PRKAG2: variants seen among roughly 807,000 people sequenced by gnomAD.
PRKAG2 encodes the protein protein kinase AMP-activated non-catalytic subunit gamma 2, also known as 5'-AMP-activated protein kinase subunit gamma-2.
In PRKAG2, 26 loss-of-function variants were observed where a neutral mutation model predicts 69.6. The ratio of observed to expected loss-of-function variants is 0.37; its 90% CI spans 0.27 to 0.52. The LOEUF is 0.52. PRKAG2 is among the 20% of genes least tolerant of loss of function. The pLI is 0.90. For synonymous variants in PRKAG2, 293 were observed against 285.0 expected (o/e 1.03, Z -0.28); for missense variants, 557 against 740.0 (o/e 0.75, Z 2.87).
At chr7:151,767,534 GC>G (rs970505560) in intron 3 of PRKAG2, among the ~76,000 whole-genome samples, 6 of 152,212 alleles carry the variant, frequency 3.9e-5, no homozygotes, top group Non-Finnish European at 7.3e-5. Flanking sequence ...CAAGTGATTG[GC>G]CCGACTTGGC....
At chr7:151,818,882 C>A (rs2078706941) in intron 1 of PRKAG2, among the ~76,000 whole-genome samples, 1 of 152,254 alleles carries the variant, frequency 6.6e-6, no homozygotes, top group Admixed American at 6.5e-5. Context: ...CCTATGACAG[C>A]TTGAGGCCAG....
At chr7:151,779,746 C>T (rs1451969687) in intron 3 of PRKAG2, among the ~76,000 whole-genome samples, 3 of 152,194 alleles carry the variant, frequency 2.0e-5, no homozygotes, top group Non-Finnish European at 2.9e-5. Context: ...TACACAACAT[C>T]GCAAGTTCCC....
At chr7:151,618,274 G>A (rs542163170) in intron 5 of PRKAG2, among the ~76,000 whole-genome samples, 8 of 152,072 alleles carry the variant, frequency 5.3e-5, no homozygotes, top group South Asian at 2.1e-4. Flanking sequence ...CCAACATGGC[G>A]AAACCCCATC....
chr7:151,792,569 T>C (rs2077313974), intron 1 of PRKAG2, among the ~76,000 whole-genome samples: 1 of 152,232 alleles, frequency 6.6e-6, no homozygotes, highest in South Asian at 2.1e-4. Context: ...CCAGCGTTTC[T>C]GATGTTTTGT....
rs567721327 is a variant in PRKAG2, at chr7:151,866,226, C to T, written c.114+10281G>A. Among the ~76,000 whole-genome samples the T allele has an allele frequency of 2.7e-4, 41 of 152,254 alleles. 1 individual carries two copies. Among genetic ancestry groups the T allele is most frequent in the East Asian group, 9.7e-4 (5 of 5,180 alleles). On this transcript the variant is annotated intron_variant, in intron 1 of 15. Coordinates refer to ENST00000287878, the MANE Select transcript of PRKAG2 (RefSeq NM_016203.4). ...GCCCACCGTCCAGCCTCAGCCTGAC[C>T]GTCCAGCCTCATCCCCTACCCCAGG...
intron 3 of PRKAG2, among the ~76,000 whole-genome samples, chr7:151,716,429 G>T (rs1796200062): frequency 6.6e-6 from 1 of 152,126 alleles, no homozygotes; most frequent in Non-Finnish European, 1.5e-5. Flanking sequence ...TCCGTATGTG[G>T]ACTCCCAACA....
intron 5 of PRKAG2, among the ~76,000 whole-genome samples, chr7:151,627,069 C>T (rs870441): frequency 0.13 from 19,017 of 151,902 alleles, 1,379 homozygotes; most frequent in African/African-American, 0.17. Context: ...GATTTTTAAG[C>T]GAGAGAGAAA....
intron 3 of PRKAG2, among the ~76,000 whole-genome samples, 191 bp from the exon 4 acceptor site, chr7:151,675,828 A>G (rs1307952329): frequency 6.8e-6 from 1 of 148,020 alleles, no homozygotes; most frequent in East Asian, 1.9e-4. Flanking sequence ...AGGTCCCGCC[A>G]TGGCAGAGGG....
intron 1 of PRKAG2, among the ~76,000 whole-genome samples, chr7:151,793,980 C>A (rs1039919058): frequency 6.6e-6 from 1 of 152,214 alleles, no homozygotes; most frequent in Non-Finnish European, 1.5e-5. Flanking sequence ...CAGAGGACAC[C>A]GTAGTTTCTC....
rs1179429765 is a variant in PRKAG2, at chr7:151,814,241, A to G, written c.115-27700T>C. Among the ~76,000 whole-genome samples the G allele has an allele frequency of 4.6e-5, 7 of 152,176 alleles. No homozygotes were observed. Among genetic ancestry groups the G allele is most frequent in the Non-Finnish European group, 8.8e-5 (6 of 68,038 alleles). On this transcript the variant is annotated intron_variant, in intron 1 of 15. Transcript: ENST00000287878. The surrounding 1 kb of genome is among the most constrained non-coding windows in gnomAD (Gnocchi z 4.8). The stretch of plus-strand genomic sequence containing the variant: ...TACAGCTTCCGTGGAGAGAAGGAAC[A>G]TTTTGCTCAGCCTTGGGGTATCTGA...
chr7:151,742,625 CAAAA>C (rs562390958), intron 3 of PRKAG2, among the ~76,000 whole-genome samples: 1 of 135,588 alleles, frequency 7.4e-6, no homozygotes. Flanking sequence ...TTACATCTCA[CAAAA>C]AAAAAAAAAA....
chr7:151,874,228 G>C, intron 1 of PRKAG2, among the ~76,000 whole-genome samples: 1 of 122,788 alleles, frequency 8.1e-6, no homozygotes, highest in South Asian at 2.4e-4. Flanking sequence ...TGATGTATAT[G>C]TATATGATGT....
At chr7:151,735,817 T>G in intron 3 of PRKAG2, 1 of 1,492,122 alleles carries the variant, frequency 6.7e-7, no homozygotes, top group African/African-American at 1.4e-5. Context: ...AAACAGCTAC[T>G]GCTTAGGAGG....
At chr7:151,617,800 C>T (rs916782105) in intron 5 of PRKAG2, among the ~76,000 whole-genome samples, 4 of 152,190 alleles carry the variant, frequency 2.6e-5, no homozygotes, top group South Asian at 4.1e-4. Flanking sequence ...AAAACCCTGA[C>T]TCCTTATTCA....
At chr7:151,822,266 C>T (rs1425404245) in intron 1 of PRKAG2, among the ~76,000 whole-genome samples, 1 of 152,138 alleles carries the variant, frequency 6.6e-6, no homozygotes, top group Non-Finnish European at 1.5e-5. Flanking sequence ...AGCCCAGGAA[C>T]GAGGTGGGTT....
At chr7:151,820,954 C>CG (rs2078755804) in intron 1 of PRKAG2, among the ~76,000 whole-genome samples, 1 of 2,508 alleles carries the variant, frequency 4.0e-4, no homozygotes, top group Admixed American at 2.3e-3. Context: ...TAGGACCCCC[C>CG]CCAGCCAGGT....
intron 3 of PRKAG2, among the ~76,000 whole-genome samples, chr7:151,697,661 G>A (rs923492394): frequency 2.0e-5 from 3 of 152,142 alleles, no homozygotes; most frequent in African/African-American, 7.2e-5. Flanking sequence ...CCCCTTAGCT[G>A]TGGGGGGCAC....
intron 2 of PRKAG2, 34 bp downstream of exon 2, chr7:151,786,436 G>A (rs1216275955): frequency 1.3e-6 from 2 of 1,577,544 alleles, no homozygotes; most frequent in Non-Finnish European, 1.7e-6. Context: ...CACCTCAAGT[G>A]AGCTGTGAGA....
At chr7:151,762,724 A>T (rs2151760781) in intron 3 of PRKAG2, among the ~76,000 whole-genome samples, 1 of 152,322 alleles carries the variant, frequency 6.6e-6, no homozygotes, top group South Asian at 2.1e-4. Context: ...TGTGTTCAGA[A>T]TTGGACTCAA....
Sources: gnomAD v4.1 joint callset for allele counts (sites outside exome capture counted in the v4.1 genomes callset) on GRCh38, gnomAD v4.1.1 for gene constraint, Gnocchi (gnomAD v3.1) non-coding constraint, MANE v1.5 for transcripts, NCBI Gene and HGNC (gene_info 2026-07-23, HGNC 2026-07-21) for gene names.